The following CEP63 variants were observed in gnomAD, a reference collection of about 807,000 sequenced individuals.
CEP63 encodes centrosomal protein 63.
Under a neutral mutation model 89.1 loss-of-function variants are expected in CEP63, and 84 were observed. That is an observed-to-expected ratio of 0.94 (90% CI 0.79 to 1.13). The LOEUF (loss-of-function observed/expected upper bound fraction) is 1.13. Ranked by LOEUF, CEP63 falls within the 50% of genes most tolerant of loss-of-function variation. The pLI, the probability that CEP63 is intolerant of heterozygous loss-of-function variation, is 0.00. For missense variants in CEP63, 838 were observed against 813.3 expected (o/e 1.03, Z -0.37); for synonymous variants, 267 against 272.5 (o/e 0.98, Z 0.20).
chr3:134,487,993 T>G (rs753557248), intron 1 of CEP63: 1 of 152,248 alleles, frequency 6.6e-6, no homozygotes, highest in Non-Finnish European at 1.5e-5. Context: ...CATGTATCTC[T>G]GTTGCCTTTG....
the CEP63 span, among the ~76,000 whole-genome samples, chr3:134,747,933 C>T: frequency 6.6e-6 from 1 of 152,116 alleles, no homozygotes; most frequent in Non-Finnish European, 1.5e-5. Context: ...CCACAGGTGC[C>T]CGCCACCATG....
At chr3:134,659,186 T>C in the CEP63 span, among the ~76,000 whole-genome samples, 1 of 152,194 alleles carries the variant, frequency 6.6e-6, no homozygotes, top group African/African-American at 2.4e-5. Context: ...TCCTGGGCAA[T>C]GCCAAGAGAG....
the CEP63 span, among the ~76,000 whole-genome samples, chr3:134,632,087 C>T: frequency 2.6e-5 from 4 of 151,858 alleles, no homozygotes; most frequent in African/African-American, 7.2e-5. Flanking sequence ...AATAGGCATA[C>T]GTCAAACAAC....
the CEP63 span, among the ~76,000 whole-genome samples, chr3:134,652,892 G>A: frequency 6.6e-6 from 1 of 152,076 alleles, no homozygotes; most frequent in Non-Finnish European, 1.5e-5. Flanking sequence ...CTTGGTTGCC[G>A]GATGGGTCTG....
chr3:134,718,944 CCT>C, the CEP63 span, among the ~76,000 whole-genome samples: 1 of 152,142 alleles, frequency 6.6e-6, no homozygotes, highest in Non-Finnish European at 1.5e-5. Context: ...TTATATAAAA[CCT>C]CTGTTTTTCG....
the CEP63 span, among the ~76,000 whole-genome samples, chr3:134,595,681 G>C: frequency 6.6e-6 from 1 of 152,070 alleles, no homozygotes; most frequent in Non-Finnish European, 1.5e-5. Flanking sequence ...TCTCTTGGTG[G>C]GCCCTGTCTA....
At chr3:134,711,168 A>G in the CEP63 span, among the ~76,000 whole-genome samples, 1 of 152,238 alleles carries the variant, frequency 6.6e-6, no homozygotes, top group African/African-American at 2.4e-5. Context: ...GACTATAAAT[A>G]TAATTGACAA....
the CEP63 span, chr3:134,610,532 C>G: frequency 6.0e-6 from 4 of 667,974 alleles, no homozygotes; most frequent in Middle Eastern, 3.9e-4. Flanking sequence ...ATATAAACAG[C>G]CTTGATGGCT....
downstream of CEP63, among the ~76,000 whole-genome samples, chr3:134,588,307 A>C (rs899871146): frequency 1.3e-5 from 2 of 152,202 alleles, no homozygotes; most frequent in Non-Finnish European, 2.9e-5. Flanking sequence ...ATAAATAAAT[A>C]AATGAAAATA....
At chr3:134,528,883 A>C (rs534273557) in intron 3 of CEP63, among the ~76,000 whole-genome samples, 31 of 152,326 alleles carry the variant, frequency 2.0e-4, no homozygotes, top group African/African-American at 7.2e-4. Flanking sequence ...AACTTGTTTT[A>C]ATCAAACAGA....
At chr3:134,745,252 A>G in the CEP63 span, among the ~76,000 whole-genome samples, 3 of 152,154 alleles carry the variant, frequency 2.0e-5, no homozygotes, top group African/African-American at 7.2e-5. Context: ...CCCAAGTACT[A>G]TTGTTTTGTG....
chr3:134,514,644 A>G (rs1435926238), intron 3 of CEP63, among the ~76,000 whole-genome samples: 3 of 152,250 alleles, frequency 2.0e-5, no homozygotes, highest in Non-Finnish European at 2.9e-5. Flanking sequence ...AATGTCTACA[A>G]AGAAAGAACA....
chr3:134,645,665 AT>A, the CEP63 span, among the ~76,000 whole-genome samples: 1 of 152,134 alleles, frequency 6.6e-6, no homozygotes, highest in East Asian at 1.9e-4. Flanking sequence ...TAGAAGCGTC[AT>A]TTTTTCTGGG....
the CEP63 span, among the ~76,000 whole-genome samples, chr3:134,676,480 C>A: frequency 6.6e-6 from 1 of 152,028 alleles, no homozygotes; most frequent in Non-Finnish European, 1.5e-5. Context: ...TGGGAGGTGA[C>A]AAAAATGTTC....
the CEP63 span, among the ~76,000 whole-genome samples, chr3:134,735,844 A>C: frequency 1.3e-5 from 2 of 152,168 alleles, no homozygotes; most frequent in Non-Finnish European, 2.9e-5. Context: ...CAAGTCTGTC[A>C]AGCTTTTCTG....
chr3:134,757,717 G>C, the CEP63 span, among the ~76,000 whole-genome samples: 1 of 152,320 alleles, frequency 6.6e-6, no homozygotes, highest in African/African-American at 2.4e-5. Flanking sequence ...CCCTTGGGGG[G>C]TGGTGCATGG....
At position 134,516,854 on chromosome 3, in the gene CEP63, C is replaced by G. The variant is rs560849089; in HGVS notation, c.222+9568C>G. Among the ~76,000 whole-genome samples, 17 of 152,306 alleles carry G rather than the reference C, an allele frequency of 1.1e-4. No individual in the cohort carries two copies. The East Asian group carries it at 3.1e-3, about 28-fold the overall frequency. Reference sequence around the variant, plus strand: ...TTATTTCTACTTCTTTCTGCACAGACACAGTAACAATCTGATCTCTCTTTC... The same window carrying G: ...TTATTTCTACTTCTTTCTGCACAGAGACAGTAACAATCTGATCTCTCTTTC... On this transcript the variant is annotated intron_variant, in intron 3 of 14. Coordinates refer to ENST00000675561, the MANE Select transcript of CEP63 (RefSeq NM_001353108.3).
intron 1 of CEP63, among the ~76,000 whole-genome samples, chr3:134,494,424 T>C (rs1284232556): frequency 2.0e-5 from 3 of 152,154 alleles, no homozygotes; most frequent in African/African-American, 7.2e-5. Flanking sequence ...TGTATCTTGC[T>C]GTTTATATGG....
At chr3:134,742,770 G>A in the CEP63 span, among the ~76,000 whole-genome samples, 1 of 152,196 alleles carries the variant, frequency 6.6e-6, no homozygotes, top group Non-Finnish European at 1.5e-5. Flanking sequence ...TTGGGAGTGG[G>A]TTCTCTCCCT....
Sources: allele counts gnomAD v4.1 joint callset (sites outside exome capture counted in the v4.1 genomes callset), GRCh38; gene constraint gnomAD v4.1.1; transcripts MANE v1.5; gene names NCBI Gene and HGNC (gene_info 2026-07-23, HGNC 2026-07-21).